ABCC9: variants seen among roughly 807,000 people sequenced by gnomAD.
ABCC9 encodes ATP binding cassette subfamily C member 9.
ABCC9 carries 95 observed loss-of-function variants against 188.3 expected under a neutral mutation model. The ratio of observed to expected loss-of-function variants is 0.50; its 90% CI spans 0.43 to 0.60. The LOEUF is 0.60. ABCC9 is among the 20% of genes least tolerant of loss of function. ABCC9 has a pLI of 0.00. For missense variants in ABCC9, 1,102 were observed against 1,876.3 expected (o/e 0.59, Z 7.62); for synonymous variants, 659 against 652.7 (o/e 1.01, Z -0.15).
intron 17 of ABCC9, among the ~76,000 whole-genome samples, chr12:21,873,425 A>G (rs1295159862): frequency 3.3e-5 from 5 of 152,182 alleles, no homozygotes; most frequent in African/African-American, 1.2e-4. Context: ...ACACAAACAA[A>G]AAAAATGAAA....
intron 12 of ABCC9, among the ~76,000 whole-genome samples, chr12:21,904,889 G>C (rs539237756): frequency 6.6e-6 from 1 of 152,294 alleles, no homozygotes; most frequent in South Asian, 2.1e-4. Flanking sequence ...CAAGGATCTA[G>C]AACTAGAAAT....
At position 21,875,605 on chromosome 12, in the gene ABCC9, T is replaced by C. The variant is rs1473638000; in HGVS notation, c.2092+49A>G. ...TAGGCTCAATTATCTTGGAAAACTA[T>C]GGTTACGGTCATGAACAATTACAAA... is the stretch of plus-strand genomic sequence containing the variant. On this transcript the variant is annotated intron_variant, in intron 17 of 39. Coordinates refer to ENST00000261200, the MANE Select transcript of ABCC9 (RefSeq NM_020297.4). The C allele has an allele frequency of 2.2e-6, 3 of 1,338,574 alleles. No homozygotes were observed. In the Admixed American group the frequency reaches 5.2e-5, roughly 23 times the overall value. 82.9% of individuals were successfully genotyped at this position (1,338,574 alleles called of 1,614,324 possible). A position where few individuals can be genotyped will look rare whatever the true frequency, so the allele number is the denominator to read the frequency against.
intron 25 of ABCC9, 54 bp downstream of exon 25, chr12:21,848,096 C>T (rs1435028388): frequency 1.3e-6 from 2 of 1,523,186 alleles, no homozygotes; most frequent in East Asian, 2.3e-5. Context: ...CATAAAAAAC[C>T]CTCGCATCCT....
At chr12:21,912,426 G>C (rs1225871773) in intron 8 of ABCC9, among the ~76,000 whole-genome samples, 3 of 151,900 alleles carry the variant, frequency 2.0e-5, no homozygotes, top group Non-Finnish European at 4.4e-5. Context: ...GTGAAACAGG[G>C]TGGTGGGTTT....
intron 31 of ABCC9, among the ~76,000 whole-genome samples, chr12:21,826,252 A>G (rs1943372191): frequency 6.6e-6 from 1 of 151,996 alleles, no homozygotes; most frequent in Admixed American, 6.6e-5. Context: ...CCAATTAGAA[A>G]TTTTCATTAC....
chr12:21,911,255 G>A (rs1002945607), intron 8 of ABCC9, among the ~76,000 whole-genome samples: 2 of 151,696 alleles, frequency 1.3e-5, no homozygotes, highest in Non-Finnish European at 2.9e-5. Context: ...TTAGTAAAAT[G>A]GTAAGCAGCA....
At chr12:21,814,923 C>G (rs972719632) in intron 34 of ABCC9, among the ~76,000 whole-genome samples, 2 of 152,134 alleles carry the variant, frequency 1.3e-5, no homozygotes, top group Non-Finnish European at 2.9e-5. Context: ...TGGCTCACAC[C>G]TGTAAACCCA....
chr12:21,858,342 G>A (rs1420718957), intron 22 of ABCC9, among the ~76,000 whole-genome samples: 2 of 152,024 alleles, frequency 1.3e-5, no homozygotes, highest in Non-Finnish European at 2.9e-5. Context: ...GGGAGGTAGA[G>A]GCAGGTGGAT....
chr12:21,815,558 A>C (rs1408031955), intron 34 of ABCC9, among the ~76,000 whole-genome samples: 1 of 152,142 alleles, frequency 6.6e-6, no homozygotes, highest in African/African-American at 2.4e-5. Flanking sequence ...TCCATGGGAG[A>C]CTAGTGAATT....
In ABCC9 at chr12:21,912,912, C is replaced by T. The variant is rs886039121; in HGVS notation, c.971G>A (p.Arg324His). ...GPLCISGIVQ[R>H]VNETQNGTNN... ...TGTCCCATTCTGGGTTTCATTCACA[C>T]GCTGAACTATTCCAGAAATACAAAG... Residue 324 changes from arginine (R) to histidine (H), a missense_variant, in exon 8 of 40, where the codon CGT becomes CAT. Transcript: ENST00000261200. The T allele has an allele frequency of 5.0e-6, 8 of 1,613,458 alleles. No homozygotes were observed. Among genetic ancestry groups the T allele is most frequent in the African/African-American group, 1.3e-5 (1 of 74,880 alleles).
intron 30 of ABCC9, among the ~76,000 whole-genome samples, chr12:21,830,004 T>G (rs560295684): frequency 6.6e-6 from 1 of 152,272 alleles, no homozygotes; most frequent in African/African-American, 2.4e-5. Context: ...TTCTGAAATA[T>G]TTGTAAGGAT....
intron 31 of ABCC9, 37 bp from the exon 32 acceptor site, chr12:21,818,288 C>A (rs372213877): frequency 1.3e-6 from 2 of 1,559,138 alleles, no homozygotes; most frequent in Non-Finnish European, 1.8e-6. Flanking sequence ...AAAGGTTACT[C>A]CCAAGTTCTT....
chr12:21,878,652 T>C (rs1464511339), intron 16 of ABCC9, among the ~76,000 whole-genome samples: 2 of 152,130 alleles, frequency 1.3e-5, no homozygotes, highest in Non-Finnish European at 2.9e-5. Context: ...CCTCTGATAA[T>C]AGATGTGAAA....
intron 39 of ABCC9, among the ~76,000 whole-genome samples, chr12:21,801,741 C>T (rs547022231): frequency 7.2e-5 from 11 of 152,248 alleles, no homozygotes; most frequent in South Asian, 2.1e-4. Flanking sequence ...TCTTTCCACG[C>T]GATGCCCTTT....
At chr12:21,857,510 C>T (rs959902706) in intron 22 of ABCC9, among the ~76,000 whole-genome samples, 1 of 152,084 alleles carries the variant, frequency 6.6e-6, no homozygotes, top group Non-Finnish European at 1.5e-5. Context: ...TGCCCTGGTC[C>T]TAATCCCCAG....
chr12:21,806,220 A>G (rs1264772573), intron 38 of ABCC9, among the ~76,000 whole-genome samples, 160 bp from the exon 39 acceptor site: 1 of 152,174 alleles, frequency 6.6e-6, no homozygotes. Flanking sequence ...CAGCAGGTTC[A>G]TGCTGGATTC....
chr12:21,845,829 T>C lies in ABCC9; in HGVS notation c.2870A>G (p.Glu957Gly). 1 of 1,612,668 alleles carries C rather than the reference T, an allele frequency of 6.2e-7. No individual in the cohort carries two copies. Among genetic ancestry groups the C allele is most frequent in the Non-Finnish European group, 8.5e-7 (1 of 1,179,640 alleles). Residue 957 changes from glutamate (E) to glycine (G), a missense_variant, in exon 26 of 40, where the codon GAA becomes GGA. Glu to Gly is a moderately conservative substitution (Grantham distance 98, BLOSUM62 -2). This residue lies in a region of ABCC9 where 131 missense variants were observed against 170.2 expected (regional missense o/e 0.77). Coordinates refer to ENST00000261200, the MANE Select transcript of ABCC9 (RefSeq NM_020297.4). ...KAQMEDEDEE[E>G]EEEEDEDDNM... ...ATCATCCTCATCTTCCTCCTCTTCT[T>C]CCTCTACATACAAAAAACTTTTGTT...
rs786205475 is a variant in ABCC9, at chr12:21,838,124, G to A, written c.3520C>T (p.His1174Tyr). 6.2e-7 allele frequency: 1 copy of A among 1,614,036 alleles called. No homozygotes were observed. The highest frequency in any genetic ancestry group is 1.1e-5 in the South Asian group (1 of 91,086). The change falls in exon 30 of 40, where the codon CAC (histidine) becomes TAC (tyrosine). Residue 1174 changes from histidine to tyrosine, a missense_variant. Physicochemically the swap from His to Tyr is moderately conservative, Grantham distance 83. Transcript: ENST00000261200. ...DDSTQLPLLC[H>Y]FSETAEGLTT... ...AGTCCTTCTGCTGTTTCTGAGAAGT[G>A]ACAGAGCAGAGGGAGCTGGGTACTA...
chr12:21,816,082 G>GTTTTTTTTTTTTTTTT (rs1325095522), intron 33 of ABCC9, among the ~76,000 whole-genome samples, 189 bp from the exon 34 acceptor site: 72 of 57,220 alleles, frequency 1.3e-3, no homozygotes, highest in Admixed American at 1.8e-3. Context: ...TTTTTTTTTA[G>GTTTTTTTTTTTTTTTT]TTTAAATCAC....
Sources: gnomAD v4.1 joint callset for allele counts (sites outside exome capture counted in the v4.1 genomes callset) on GRCh38, gnomAD v4.1.1 for gene constraint, gnomAD v4.1.1 regional missense constraint, MANE v1.5 for transcripts, NCBI Gene and HGNC (gene_info 2026-07-23, HGNC 2026-07-21) for gene names.